The following FGF14 variants were observed in gnomAD, a reference collection of about 807,000 sequenced individuals.
FGF14 encodes the protein fibroblast growth factor 14, also known as fibroblast growth factor homologous factor 4.
In FGF14, 5 loss-of-function variants were observed where a neutral mutation model predicts 25.5. The ratio of observed to expected loss-of-function variants is 0.20; its 90% CI spans 0.10 to 0.41. The LOEUF is 0.41. Among genes scored for constraint, FGF14 ranks in the 10% least tolerant of loss-of-function variants. The probability of loss-of-function intolerance (pLI) is 1.00; values close to 1 mark genes in which losing one functional copy is unlikely to be tolerated. For synonymous variants in FGF14, 138 were observed against 118.3 expected (o/e 1.17, Z -1.08); for missense variants, 222 against 320.1 (o/e 0.69, Z 2.34).
At chr13:102,254,506 T>C (rs1471164808) in intron 1 of FGF14, among the ~76,000 whole-genome samples, 1 of 152,170 alleles carries the variant, frequency 6.6e-6, no homozygotes, top group Non-Finnish European at 1.5e-5. Context: ...TTTTATACTT[T>C]ATTAAGATTC....
chr13:102,284,700 C>A (rs1434670701), intron 1 of FGF14, among the ~76,000 whole-genome samples: 1 of 151,990 alleles, frequency 6.6e-6, no homozygotes, highest in Non-Finnish European at 1.5e-5. Context: ...ATAATAGAAA[C>A]ACAAAACTAA....
chr13:101,867,430 C>T (rs1466877857), intron 3 of FGF14, among the ~76,000 whole-genome samples: 1 of 152,048 alleles, frequency 6.6e-6, no homozygotes, highest in African/African-American at 2.4e-5. Flanking sequence ...CAATTACTAA[C>T]AGAAAGATAG....
At chr13:101,924,129 G>GA (rs893652120) in intron 1 of FGF14, among the ~76,000 whole-genome samples, 12 of 151,612 alleles carry the variant, frequency 7.9e-5, no homozygotes, top group African/African-American at 2.9e-4. Flanking sequence ...TACCTCAACA[G>GA]AAAAAAAATT....
At chr13:101,733,799 A>C (rs927643993) in intron 3 of FGF14, among the ~76,000 whole-genome samples, 1 of 151,840 alleles carries the variant, frequency 6.6e-6, no homozygotes, top group African/African-American at 2.4e-5. Context: ...ATATTTCTCA[A>C]CATTTAGAGA....
intron 1 of FGF14, among the ~76,000 whole-genome samples, chr13:101,911,244 A>T (rs1454654941): frequency 6.6e-6 from 1 of 152,142 alleles, no homozygotes; most frequent in Non-Finnish European, 1.5e-5. Context: ...TAAATGTAAA[A>T]GTATTCAAAT....
chr13:102,375,799 G>T (rs905999424), intron 1 of FGF14, among the ~76,000 whole-genome samples: 6 of 152,070 alleles, frequency 3.9e-5, no homozygotes, highest in African/African-American at 1.4e-4. Context: ...TTCCAATCTT[G>T]TTCCTTAAAA....
chr13:102,206,407 G>A (rs1446556742), intron 1 of FGF14, among the ~76,000 whole-genome samples: 2 of 152,132 alleles, frequency 1.3e-5, no homozygotes, highest in Non-Finnish European at 2.9e-5. Flanking sequence ...CAGGCCCGGC[G>A]CAGTGGCTCA....
chr13:102,248,400 T>C (rs1420640315), intron 1 of FGF14, among the ~76,000 whole-genome samples: 1 of 152,108 alleles, frequency 6.6e-6, no homozygotes, highest in Non-Finnish European at 1.5e-5. Context: ...AGGAAACAGA[T>C]AAAATGAGAC....
chr13:102,147,075 A>G (rs1324396525), intron 1 of FGF14, among the ~76,000 whole-genome samples: 1 of 152,220 alleles, frequency 6.6e-6, no homozygotes, highest in East Asian at 1.9e-4. Flanking sequence ...AGAATATATT[A>G]TGGTACAATT....
intron 1 of FGF14, among the ~76,000 whole-genome samples, chr13:102,059,871 A>G (rs894196490): frequency 7.0e-6 from 1 of 143,638 alleles, no homozygotes; most frequent in Non-Finnish European, 1.5e-5. Flanking sequence ...AAACAAAAAC[A>G]AAAAAAAAAG....
intron 1 of FGF14, among the ~76,000 whole-genome samples, chr13:102,321,406 T>C (rs185170680): frequency 1.7e-3 from 262 of 152,266 alleles, no homozygotes; most frequent in Middle Eastern, 6.8e-3. Flanking sequence ...AAAATAAGTA[T>C]TTAACAATGC....
Position 101,968,839 on chromosome 13 carries a change from C to A in FGF14, c.209-93543G>T, listed in dbSNP as rs553281946. On this transcript the variant is annotated intron_variant, in intron 1 of 4. Transcript: ENST00000376131. ...ACTTTTCATTTGTTCTGTAATCATG[C>A]ATTCCATCAACAGCCTTTTTTTTTT... Among the ~76,000 whole-genome samples, 9 of 147,500 alleles carry A rather than the reference C, an allele frequency of 6.1e-5. No individual in the cohort carries two copies. In the South Asian group the frequency reaches 1.9e-3, roughly 32 times the overall value.
chr13:101,922,268 T>C (rs922979820), intron 1 of FGF14, among the ~76,000 whole-genome samples: 1 of 152,124 alleles, frequency 6.6e-6, no homozygotes, highest in Non-Finnish European at 1.5e-5. Flanking sequence ...TAAAATTCTA[T>C]CTGGATTACA....
chr13:101,882,507 G>C (rs1222379959), intron 1 of FGF14, among the ~76,000 whole-genome samples: 1 of 150,946 alleles, frequency 6.6e-6, no homozygotes, highest in African/African-American at 2.4e-5. Context: ...ATAAATAGTA[G>C]AGCAGTAAAC....
At chr13:101,833,425 A>C (rs778095878) in intron 3 of FGF14, among the ~76,000 whole-genome samples, 2 of 152,082 alleles carry the variant, frequency 1.3e-5, no homozygotes, top group African/African-American at 2.4e-5. Flanking sequence ...TTATGGGCAT[A>C]AACTATTCAA....
chr13:102,225,245 A>G (rs2050780878), intron 1 of FGF14, among the ~76,000 whole-genome samples: 1 of 151,624 alleles, frequency 6.6e-6, no homozygotes, highest in South Asian at 2.1e-4. Flanking sequence ...TAGCCCATGG[A>G]CAAGGCCTTG....
chr13:101,868,494 T>TA (rs1413769272), intron 3 of FGF14: 2 of 477,250 alleles, frequency 4.2e-6, no homozygotes, highest in Non-Finnish European at 7.7e-6. Context: ...GGTTATTTTT[T>TA]AAAATATGGC....
chr13:102,019,995 T>C (rs1296908823), intron 1 of FGF14, among the ~76,000 whole-genome samples: 3 of 152,120 alleles, frequency 2.0e-5, no homozygotes, highest in Non-Finnish European at 4.4e-5. Context: ...AACAAAAGCA[T>C]GAAAGACTGC....
chr13:102,154,272 T>G (rs4080441), intron 1 of FGF14, among the ~76,000 whole-genome samples: 1 of 151,926 alleles, frequency 6.6e-6, no homozygotes, highest in African/African-American at 2.4e-5. Context: ...GAGAGAAAAG[T>G]TGGGTTACCC....
Sources: allele counts gnomAD v4.1 joint callset (sites outside exome capture counted in the v4.1 genomes callset), GRCh38; gene constraint gnomAD v4.1.1; transcripts MANE v1.5; gene names NCBI Gene and HGNC (gene_info 2026-07-23, HGNC 2026-07-21).